CREB5: variants seen among roughly 807,000 people sequenced by gnomAD.
CREB5 encodes the protein cyclic AMP-responsive element-binding protein 5.
In CREB5, 19 loss-of-function variants were observed where a neutral mutation model predicts 57.1. That is an observed-to-expected ratio of 0.33 (90% CI 0.23 to 0.49). CREB5 has a LOEUF of 0.49. CREB5 is among the 20% of genes least tolerant of loss of function. The pLI is 0.99. For missense variants in CREB5, 579 were observed against 671.6 expected, an observed-to-expected ratio of 0.86 and a Z score of 1.52; for synonymous variants, 238 against 238.3, an observed-to-expected ratio of 1.00 and a Z score of 0.01.
intron 1 of CREB5, among the ~76,000 whole-genome samples, chr7:28,417,353 CTT>C (rs11433698): frequency 1.7e-4 from 24 of 145,012 alleles, no homozygotes; most frequent in Admixed American, 8.9e-4. Context: ...CTTTCTCTCT[CTT>C]TTTTTTTTTT....
At chr7:28,732,892 T>C (rs1248849404) in intron 7 of CREB5, among the ~76,000 whole-genome samples, 2 of 150,534 alleles carry the variant, frequency 1.3e-5, no homozygotes, top group Non-Finnish European at 3.0e-5. Flanking sequence ...AAATTTAAAC[T>C]ACGAAGAGTA....
At chr7:28,550,882 G>C (rs1227726072) in intron 4 of CREB5, among the ~76,000 whole-genome samples, 2 of 152,194 alleles carry the variant, frequency 1.3e-5, no homozygotes, top group Non-Finnish European at 2.9e-5. Context: ...GCAGCACTTG[G>C]AGTATCACCC....
At chr7:28,723,819 ATTATAT>A (rs1368670497) in intron 6 of CREB5, among the ~76,000 whole-genome samples, 1 of 152,206 alleles carries the variant, frequency 6.6e-6, no homozygotes, top group African/African-American at 2.4e-5. Context: ...AACCTTGGTG[ATTATAT>A]TTAGTGGAGT....
intron 4 of CREB5, among the ~76,000 whole-genome samples, chr7:28,568,785 C>A (rs1311808160): frequency 6.6e-6 from 1 of 152,150 alleles, no homozygotes; most frequent in Non-Finnish European, 1.5e-5. Flanking sequence ...AATCAGAAAC[C>A]TGGGAAAGGT....
chr7:28,315,768 G>T (rs578010829), intron 1 of CREB5, among the ~76,000 whole-genome samples: 1 of 152,174 alleles, frequency 6.6e-6, no homozygotes, highest in Non-Finnish European at 1.5e-5. Context: ...TTCCTCCCTG[G>T]GCTCTGCACA....
chr7:28,473,638 A>T (rs1447531066), intron 1 of CREB5, among the ~76,000 whole-genome samples: 1 of 152,198 alleles, frequency 6.6e-6, no homozygotes, highest in African/African-American at 2.4e-5. Flanking sequence ...AAGATGAGGA[A>T]GACAGTGGCT....
chr7:28,627,032 A>G (rs1242411371), intron 5 of CREB5, among the ~76,000 whole-genome samples: 1 of 152,212 alleles, frequency 6.6e-6, no homozygotes. Flanking sequence ...CAAAGTTATT[A>G]AAATTTCTAA....
rs569082580 is a variant in CREB5, at chr7:28,394,336, A to G, written c.-25+94895A>G. Among the ~76,000 whole-genome samples the G allele has an allele frequency of 2.8e-3, 430 of 152,260 alleles. 3 individuals carry two copies. Among genetic ancestry groups the G allele is most frequent in the African/African-American group, 9.9e-3 (410 of 41,556 alleles). On this transcript the variant is annotated intron_variant, in intron 1 of 9. Transcript: ENST00000396299. ...AAATAGGGTAGATATTAATCCAACTACATCAATAATCACTTTAAATGTGAA... is the reference window on the plus strand; with the variant it reads ...AAATAGGGTAGATATTAATCCAACTGCATCAATAATCACTTTAAATGTGAA...
chr7:28,732,720 C>CT (rs35952532), intron 7 of CREB5, among the ~76,000 whole-genome samples: 13,644 of 131,830 alleles, frequency 0.1, 1,719 homozygotes, highest in African/African-American at 0.3. Context: ...CTCTGTCTTG[C>CT]TTTTTTTTTT....
chr7:28,486,670 T>TTAAATATATATATA (rs1554331892), intron 1 of CREB5, among the ~76,000 whole-genome samples: 1,008 of 89,122 alleles, frequency 0.011, 53 homozygotes, highest in African/African-American at 0.041. Context: ...TCCTATGATT[T>TTAAATATATATATA]TATATATATA....
chr7:28,585,705 GC>G (rs1384665905), intron 5 of CREB5, among the ~76,000 whole-genome samples: 2 of 152,082 alleles, frequency 1.3e-5, no homozygotes, highest in East Asian at 3.9e-4. Context: ...ATCCAATAAA[GC>G]CCCACCACCA....
At chr7:28,474,375 G>A (rs1357200820) in intron 1 of CREB5, among the ~76,000 whole-genome samples, 1 of 152,274 alleles carries the variant, frequency 6.6e-6, no homozygotes, top group South Asian at 2.1e-4. Context: ...CCCATGTGTG[G>A]GATGTGCCCC....
chr7:28,596,464 A>G (rs1164233659), intron 5 of CREB5, among the ~76,000 whole-genome samples: 1 of 152,268 alleles, frequency 6.6e-6, no homozygotes, highest in Non-Finnish European at 1.5e-5. Context: ...TGAGTCACAG[A>G]TGCTGAGAAG....
At position 28,404,449 on chromosome 7, in the gene CREB5, G is replaced by A. The variant is rs143169220; in HGVS notation, c.-24-90457G>A. On this transcript the variant is annotated intron_variant, in intron 1 of 9. Transcript: ENST00000396299. ...TGAATTTACCTTGTATTTGATTTGA[G>A]TCTTGCTGGATTTCCATGCACCTTG... Among the ~76,000 whole-genome samples the A allele has an allele frequency of 2.2e-3, 328 of 152,240 alleles. 1 individual carries two copies. In the Middle Eastern group the frequency reaches 0.041, roughly 19 times the overall value.
chr7:28,610,898 T>G (rs1797358239), intron 5 of CREB5, among the ~76,000 whole-genome samples: 1 of 152,016 alleles, frequency 6.6e-6, no homozygotes, highest in African/African-American at 2.4e-5. Context: ...CGTGTGTGTG[T>G]GTGTGTGTGT....
At chr7:28,350,226 T>G (rs564035184) in intron 1 of CREB5, among the ~76,000 whole-genome samples, 1 of 152,150 alleles carries the variant, frequency 6.6e-6, no homozygotes, top group Non-Finnish European at 1.5e-5. Context: ...AGATAGGTCA[T>G]TTTTTACTCC....
At chr7:28,303,312 C>T (rs1459581427) in intron 1 of CREB5, among the ~76,000 whole-genome samples, 1 of 151,998 alleles carries the variant, frequency 6.6e-6, no homozygotes, top group Non-Finnish European at 1.5e-5. Context: ...AAATTTGGGC[C>T]CTCACTTAAA....
At chr7:28,341,533 T>G (rs935377844) in intron 1 of CREB5, among the ~76,000 whole-genome samples, 1 of 152,230 alleles carries the variant, frequency 6.6e-6, no homozygotes, top group Admixed American at 6.5e-5. Context: ...AACGGACACC[T>G]TGTCTTCATC....
At chr7:28,464,771 C>T (rs554123024) in intron 1 of CREB5, among the ~76,000 whole-genome samples, 14 of 151,366 alleles carry the variant, frequency 9.2e-5, no homozygotes, top group South Asian at 2.1e-4. Flanking sequence ...TCCTGAATGA[C>T]GCAGTTATGC....
Sources: gnomAD v4.1 joint callset for allele counts (sites outside exome capture counted in the v4.1 genomes callset) on GRCh38, gnomAD v4.1.1 for gene constraint, MANE v1.5 for transcripts, NCBI Gene and HGNC (gene_info 2026-07-23, HGNC 2026-07-21) for gene names.